The following CEBPA variants were observed in gnomAD, a reference collection of about 807,000 sequenced individuals.
The protein encoded by CEBPA is CCAAT enhancer binding protein alpha.
Under a neutral mutation model 5.1 loss-of-function variants are expected in CEBPA, and 2 were observed. That is an observed-to-expected ratio of 0.39 (90% CI 0.16 to 1.23). CEBPA has a LOEUF of 1.23. CEBPA is among the 50% of genes most tolerant of loss of function. The pLI, the probability that CEBPA is intolerant of heterozygous loss-of-function variation, is 0.34. For missense variants in CEBPA, 455 were observed against 537.4 expected (o/e 0.85, Z 1.52); for synonymous variants, 275 against 264.1 (o/e 1.04, Z -0.40).
Position 33,301,682 on chromosome 19 carries a change from C to T in CEBPA, c.733G>A (p.Gly245Ser), listed in dbSNP as rs1315043080. The T allele has an allele frequency of 6.7e-6, 8 of 1,198,806 alleles. No individual in the cohort carries two copies. In the Admixed American group the frequency reaches 1.4e-4, roughly 21 times the overall value. 74.3% of individuals were successfully genotyped at this position (1,198,806 alleles called of 1,614,324 possible). Residue 245 changes from glycine to serine, a missense_variant, in exon 1 of 1, where the codon GGC (glycine) becomes AGC (serine). Gly to Ser is a moderately conservative substitution (Grantham distance 56, BLOSUM62 0). Around this residue, in one of 5 missense-constraint regions of CEBPA, gnomAD observed 118 missense variants for 189.3 expected, o/e 0.62. Coordinates refer to ENST00000498907, the MANE Select transcript of CEBPA (RefSeq NM_004364.5). This position sits in a 1 kb window ranked among gnomAD's most constrained non-coding sequence, Gnocchi z 6.0. ...AGCGCGCTGCCAGGGCCCGGCAGGC[C>T]GGCGGCACCGAGCGCGGGCGCGGGG... is the stretch of plus-strand genomic sequence containing the variant. ...PHPAPALGAA[G>S]LPGPGSALKG...
Position 33,301,989 on chromosome 19 carries a change from C to T in CEBPA, c.426G>A (p.Arg142=). ...GCAAAGYLDG[R]LEPLYERVGA... ...CGACGCGCTCGTACAGGGGCTCCAG[C>T]CTGCCGTCCAGGTAGCCGGCGGCCG... The change falls in exon 1 of 1, where the codon AGG becomes AGA. Residue 142 remains arginine (R), a synonymous_variant. Coordinates refer to ENST00000498907, the MANE Select transcript of CEBPA (RefSeq NM_004364.5). This position sits in a 1 kb window ranked among gnomAD's most constrained non-coding sequence, Gnocchi z 6.0. The T allele has an allele frequency of 8.3e-7, 1 of 1,198,404 alleles. No individual in the cohort carries two copies. The highest frequency in any genetic ancestry group is 4.5e-5 in the Admixed American group (1 of 22,158). 74.2% of individuals were successfully genotyped at this position (1,198,404 alleles called of 1,614,324 possible). A position where few individuals can be genotyped will look rare whatever the true frequency, so the allele number is the denominator to read the frequency against.
In CEBPA at chr19:33,302,277, A is replaced by G. The variant is rs1387400759; in HGVS notation, c.138T>C (p.Pro46=). The G allele has an allele frequency of 9.4e-6, 14 of 1,482,040 alleles. No homozygotes were observed. In the Admixed American group the frequency reaches 3.2e-4, roughly 34 times the overall value. 91.8% of individuals were successfully genotyped at this position (1,482,040 alleles called of 1,614,324 possible). The change falls in exon 1 of 1, where the codon CCT becomes CCC. Residue 46 remains proline, a synonymous_variant. Transcript: ENST00000498907. ...TGCCGCCCAGCGGCTCCGGGGCGGCAGGTGGGGCGGGAGGCTGCGCGGGGC... is the reference window on the plus strand; with the variant it reads ...TGCCGCCCAGCGGCTCCGGGGCGGCGGGTGGGGCGGGAGGCTGCGCGGGGC... ...GAGPAQPPAP[P]AAPEPLGGIC...
rs998501847 is a variant in CEBPA, at chr19:33,301,868, G to T, written c.547C>A (p.Pro183Thr). The T allele has an allele frequency of 2.3e-6, 3 of 1,324,288 alleles. No individual in the cohort carries two copies. The highest frequency in any genetic ancestry group is 2.9e-6 in the Non-Finnish European group (3 of 1,032,394). 82.0% of individuals were successfully genotyped at this position (1,324,288 alleles called of 1,614,324 possible). A position where few individuals can be genotyped will look rare whatever the true frequency, so the allele number is the denominator to read the frequency against. Residue 183 changes from proline (P) to threonine (T), a missense_variant, in exon 1 of 1, where the codon CCG becomes ACG. By Grantham distance (38) the Pro-to-Thr change is conservative. Around this residue, in one of 5 missense-constraint regions of CEBPA, gnomAD observed 141 missense variants for 124.1 expected, o/e 1.14. Transcript: ENST00000498907. This position sits in a 1 kb window ranked among gnomAD's most constrained non-coding sequence, Gnocchi z 6.0. ...TGCGAGGGCGGCGGCGGCGGCGGCG[G>T]CTGGTAAGGGAAGAGGCCGGCCAGC... ...LALAGLFPYQ[P>T]PPPPPPSHPH...
chr19:33,302,351 G>A lies in CEBPA; in HGVS notation c.64C>T (p.Pro22Ser), dbSNP rs770636941. The A allele has an allele frequency of 8.2e-6, 11 of 1,341,012 alleles. 1 individual carries two copies. The South Asian group carries it at 1.9e-4, about 23-fold the overall frequency. The allele number at this position is 1,341,012 out of a possible 1,614,324, so 83.1% of individuals were successfully genotyped here. A position where few individuals can be genotyped will look rare whatever the true frequency, so the allele number is the denominator to read the frequency against. ...RPPMSSHLQSPPHAPSSAAFG... is the reference protein window; with the variant it reads ...RPPMSSHLQSSPHAPSSAAFG... ...GCGGCGCTGCTGGGCGCGTGCGGGG[G>A]GCTCTGCAGGTGGCTGCTCATCGGG... is the stretch of plus-strand genomic sequence containing the variant. Residue 22 changes from proline (P) to serine (S), a missense_variant, in exon 1 of 1, where the codon CCC becomes TCC. Around this residue, in one of 5 missense-constraint regions of CEBPA, gnomAD observed 143 missense variants for 153.9 expected, o/e 0.93. Transcript: ENST00000498907.
At position 33,300,326 on chromosome 19, in the gene CEBPA, G is replaced by A. The variant is rs1046626496; in HGVS notation, c.*1012C>T. 6 of 233,692 alleles carry A rather than the reference G, an allele frequency of 2.6e-5. No individual in the cohort carries two copies. Among genetic ancestry groups the A allele is most frequent in the African/African-American group, 1.1e-4 (5 of 45,362 alleles). The allele number at this position is 233,692 out of a possible 1,614,324, so 14.5% of individuals were successfully genotyped here. A position where few individuals can be genotyped will look rare whatever the true frequency, so the allele number is the denominator to read the frequency against. On this transcript the variant is annotated 3_prime_UTR_variant, in exon 1 of 1. Coordinates refer to ENST00000498907, the MANE Select transcript of CEBPA (RefSeq NM_004364.5). ...AACCAAATAAAATGGTGGTTTAGCA[G>A]AGACGCGCACATTCACATTGCACAA...
Position 33,301,613 on chromosome 19 carries a change from C to T in CEBPA, c.802G>A (p.Gly268Ser), listed in dbSNP as rs1568419433. 1.3e-6 allele frequency: 2 copies of T among 1,593,778 alleles called. No individual in the cohort carries two copies. Among genetic ancestry groups the T allele is most frequent in the East Asian group, 2.3e-5 (1 of 43,632 alleles). The change falls in exon 1 of 1, where the codon GGC becomes AGC. Residue 268 changes from glycine (G) to serine (S), a missense_variant. Gly to Ser is a moderately conservative substitution (Grantham distance 56). This residue lies in a region of CEBPA where 118 missense variants were observed against 189.3 expected (regional missense o/e 0.62). Transcript: ENST00000498907. This position sits in a 1 kb window ranked among gnomAD's most constrained non-coding sequence, Gnocchi z 6.0. Reference protein sequence around the residue: ...AAHPDLRASGGSGAGKAKKSV... With the variant: ...AAHPDLRASGSSGAGKAKKSV... ...TTCTTGGCCTTGCCCGCGCCGCTGC[C>T]GCCACTCGCGCGGAGGTCGGGGTGC...
At position 33,302,200 on chromosome 19, in the gene CEBPA, G is replaced by A; in HGVS notation, c.215C>T (p.Ala72Val). 1 of 1,496,030 alleles carries A rather than the reference G, an allele frequency of 6.7e-7. No individual in the cohort carries two copies. The highest frequency in any genetic ancestry group is 8.9e-7 in the Non-Finnish European group (1 of 1,119,878). The allele number at this position is 1,496,030 out of a possible 1,614,324, so 92.7% of individuals were successfully genotyped here. Residue 72 changes from alanine to valine, a missense_variant, in exon 1 of 1, where the codon GCC becomes GTC. Around this residue, in one of 5 missense-constraint regions of CEBPA, gnomAD observed 143 missense variants for 153.9 expected, o/e 0.93. Coordinates refer to ENST00000498907, the MANE Select transcript of CEBPA (RefSeq NM_004364.5). The part of the protein sequence containing the change: ...IDISAYIDPA[A>V]FNDEFLADLF... ...GTCGGCCAGGAACTCGTCGTTGAAG[G>A]CGGCCGGGTCGATGTAGGCGCTGAT...
rs1967164416 is a variant in CEBPA at position 33,301,530 on chromosome 19, C to T, written c.885G>A (p.Ala295=). ...TGGCCTTGTCGCGGCTCTTGCGCAC[C>T]GCGATGTTGTTGCGCTCGCGCCGCA... is the stretch of plus-strand genomic sequence containing the variant. The part of the protein sequence containing the change: ...YRVRRERNNI[A]VRKSRDKAKQ... Residue 295 remains alanine, a synonymous_variant, in exon 1 of 1, where the codon GCG becomes GCA. Coordinates refer to ENST00000498907, the MANE Select transcript of CEBPA (RefSeq NM_004364.5). The surrounding 1 kb of genome is among the most constrained non-coding windows in gnomAD (Gnocchi z 6.0). 2 of 1,613,482 alleles carry T rather than the reference C, an allele frequency of 1.2e-6. No individual in the cohort carries two copies. The highest frequency in any genetic ancestry group is 1.6e-4 in the Middle Eastern group (1 of 6,062).
Position 33,301,692 on chromosome 19 carries a change from G to C in CEBPA, c.723C>G (p.Leu241=), listed in dbSNP as rs1408787997. The C allele has an allele frequency of 8.6e-7, 1 of 1,167,726 alleles. No homozygotes were observed. 72.3% of individuals were successfully genotyped at this position (1,167,726 alleles called of 1,614,324 possible). ...CAGGGCCCGGCAGGCCGGCGGCACC[G>C]AGCGCGGGCGCGGGGTGCGGGCTGG... ...PVPSPHPAPA[L]GAAGLPGPGS... is the part of the protein sequence containing the mutation. The change falls in exon 1 of 1, where the codon CTC becomes CTG. Residue 241 remains leucine, a synonymous_variant. Coordinates refer to ENST00000498907, the MANE Select transcript of CEBPA (RefSeq NM_004364.5). The surrounding 1 kb of genome is among the most constrained non-coding windows in gnomAD (Gnocchi z 6.0).
chr19:33,302,023 T>C lies in CEBPA; in HGVS notation c.392A>G (p.Tyr131Cys). Residue 131 changes from tyrosine (Y) to cysteine (C), a missense_variant, in exon 1 of 1, where the codon TAC becomes TGC. Around this residue, in one of 5 missense-constraint regions of CEBPA, gnomAD observed 141 missense variants for 124.1 expected, o/e 1.14. Coordinates refer to ENST00000498907, the MANE Select transcript of CEBPA (RefSeq NM_004364.5). ...CAGGTAGCCGGCGGCCGCGCAGCCG[T>C]AGCCGGGCGGGGGCCCGTGCGCTCC... ...PGGAHGPPPG[Y>C]GCAAAGYLDG... is the part of the protein sequence containing the mutation. 1 of 1,178,378 alleles carries C rather than the reference T, an allele frequency of 8.5e-7. No individual in the cohort carries two copies. The allele number at this position is 1,178,378 out of a possible 1,614,324, so 73.0% of individuals were successfully genotyped here. A position where few individuals can be genotyped will look rare whatever the true frequency, so the allele number is the denominator to read the frequency against.
rs1385151629 is a variant in CEBPA, at chr19:33,301,229, C to T, written c.*109G>A. Reference sequence around the variant, plus strand: ...AGGCTTTCAGGAGGCACCGGAATCTCCTAGTCCTGGCTCGCACGGCTCGGG... The same window carrying T: ...AGGCTTTCAGGAGGCACCGGAATCTTCTAGTCCTGGCTCGCACGGCTCGGG... On this transcript the variant is annotated 3_prime_UTR_variant, in exon 1 of 1. Coordinates refer to ENST00000498907, the MANE Select transcript of CEBPA (RefSeq NM_004364.5). The surrounding 1 kb of genome is among the most constrained non-coding windows in gnomAD (Gnocchi z 6.0). 8 of 1,461,010 alleles carry T rather than the reference C, an allele frequency of 5.5e-6. No individual in the cohort carries two copies. Among genetic ancestry groups the T allele is most frequent in the Non-Finnish European group, 6.3e-6 (7 of 1,108,978 alleles). 90.5% of individuals were successfully genotyped at this position (1,461,010 alleles called of 1,614,324 possible).
Position 33,301,726 on chromosome 19 carries a change from G to A in CEBPA, c.689C>T (p.Thr230Met), listed in dbSNP as rs1967173268. The part of the protein sequence containing the change: ...LQPGHPTPPP[T>M]PVPSPHPAPA... ...CGCGGGGTGCGGGCTGGGCACGGGC[G>A]TGGGCGGCGGCGTGGGGTGACCGGG... Residue 230 changes from threonine (T) to methionine (M), a missense_variant, in exon 1 of 1, where the codon ACG (threonine) becomes ATG (methionine). Physicochemically the swap from Thr to Met is moderately conservative, Grantham distance 81. Transcript: ENST00000498907. This position sits in a 1 kb window ranked among gnomAD's most constrained non-coding sequence, Gnocchi z 6.0. The A allele has an allele frequency of 8.7e-7, 1 of 1,151,690 alleles. No homozygotes were observed. The highest frequency in any genetic ancestry group is 1.1e-6 in the Non-Finnish European group (1 of 938,574). 71.3% of individuals were successfully genotyped at this position (1,151,690 alleles called of 1,614,324 possible).
chr19:33,299,980 AGAGT>A lies in CEBPA; in HGVS notation c.*1354_*1357del, dbSNP rs1967113723. 4.3e-6 allele frequency: 1 copy of A among 233,328 alleles called. No individual in the cohort carries two copies. Among genetic ancestry groups the A allele is most frequent in the Non-Finnish European group, 8.5e-6 (1 of 117,992 alleles). 14.5% of individuals were successfully genotyped at this position (233,328 alleles called of 1,614,324 possible). On this transcript the variant is annotated 3_prime_UTR_variant, in exon 1 of 1. Coordinates refer to ENST00000498907, the MANE Select transcript of CEBPA (RefSeq NM_004364.5). Reference sequence around the variant, plus strand: ...TATAGATATAATACATAAAACATCTAGAGTGAGACTCTACGTTCTCCCCAAAAGA... The same window carrying A: ...TATAGATATAATACATAAAACATCTAGAGACTCTACGTTCTCCCCAAAAGA...
chr19:33,302,512 C>G lies in CEBPA; in HGVS notation c.-98G>C. 3 of 723,172 alleles carry G rather than the reference C, an allele frequency of 4.1e-6. No homozygotes were observed. The highest frequency in any genetic ancestry group is 5.7e-6 in the Non-Finnish European group (3 of 527,512). 44.8% of individuals were successfully genotyped at this position (723,172 alleles called of 1,614,324 possible). Reference sequence around the variant, plus strand: ...ACCCGGAGACCCTGCTCGCCCGCGCCCGCGCACCTCCGGGTCGCGAATGGC... The same window carrying G: ...ACCCGGAGACCCTGCTCGCCCGCGCGCGCGCACCTCCGGGTCGCGAATGGC... On this transcript the variant is annotated 5_prime_UTR_variant, in exon 1 of 1. Transcript: ENST00000498907.
Position 33,301,646 on chromosome 19 carries a change from C to G in CEBPA, c.769G>C (p.Gly257Arg). ...GCGCGGAGGTCGGGGTGCGCGGCGCCCAGCCCCTTGAGCGCGCTGCCAGGG... is the reference window on the plus strand; with the variant it reads ...GCGCGGAGGTCGGGGTGCGCGGCGCGCAGCCCCTTGAGCGCGCTGCCAGGG... ...PGPGSALKGL[G>R]AAHPDLRASG... Residue 257 changes from glycine to arginine, a missense_variant, in exon 1 of 1, where the codon GGC becomes CGC. By Grantham distance (125) the Gly-to-Arg change is moderately radical. Transcript: ENST00000498907. This position sits in a 1 kb window ranked among gnomAD's most constrained non-coding sequence, Gnocchi z 6.0. 1 of 1,540,108 alleles carries G rather than the reference C, an allele frequency of 6.5e-7. No homozygotes were observed. Among genetic ancestry groups the G allele is most frequent in the African/African-American group, 1.4e-5 (1 of 72,486 alleles).
chr19:33,300,901 T>C lies in CEBPA; in HGVS notation c.*437A>G, dbSNP rs1049969. On this transcript the variant is annotated 3_prime_UTR_variant, in exon 1 of 1. Transcript: ENST00000498907. ...GTCGGGATCTCAGCTCCCTGAGCCCTCCTCCTGCCACGGGCCTGCTCCCCT... is the reference window on the plus strand; with the variant it reads ...GTCGGGATCTCAGCTCCCTGAGCCCCCCTCCTGCCACGGGCCTGCTCCCCT... The C allele has an allele frequency of 0.15, 38,963 of 262,588 alleles. 3,771 individuals are homozygous for C. The highest frequency in any genetic ancestry group is 0.29 in the African/African-American group (13,199 of 46,178). The allele number at this position is 262,588 out of a possible 1,614,324, so 16.3% of individuals were successfully genotyped here.
chr19:33,301,400 G>A lies in CEBPA; in HGVS notation c.1015C>T (p.Arg339Trp), dbSNP rs1455027551. Reference protein sequence around the residue: ...EQLSRELDTLRGIFRQLPESS... With the variant: ...EQLSRELDTLWGIFRQLPESS... ...TCTGGCAGCTGGCGGAAGATGCCCC[G>A]CAGCGTGTCCAGTTCGCGGCTCAGC... The change falls in exon 1 of 1, where the codon CGG becomes TGG. Residue 339 changes from arginine to tryptophan, a missense_variant. Physicochemically the swap from Arg to Trp is moderately radical, Grantham distance 101. This residue lies in a region of CEBPA where 38 missense variants were observed against 30.3 expected (regional missense o/e 1.25). Coordinates refer to ENST00000498907, the MANE Select transcript of CEBPA (RefSeq NM_004364.5). The surrounding 1 kb of genome is among the most constrained non-coding windows in gnomAD (Gnocchi z 6.0). 2 of 1,610,348 alleles carry A rather than the reference G, an allele frequency of 1.2e-6. No homozygotes were observed. Among genetic ancestry groups the A allele is most frequent in the East Asian group, 2.2e-5 (1 of 44,844 alleles).
Position 33,301,883 on chromosome 19 carries a change from G to C in CEBPA, c.532C>G (p.Leu178Val), listed in dbSNP as rs1325138029. The C allele has an allele frequency of 2.3e-6, 3 of 1,330,646 alleles. No homozygotes were observed. The highest frequency in any genetic ancestry group is 2.9e-6 in the Non-Finnish European group (3 of 1,034,308). The allele number at this position is 1,330,646 out of a possible 1,614,324, so 82.4% of individuals were successfully genotyped here. Reference protein sequence around the residue: ...DEAKQLALAGLFPYQPPPPPP... With the variant: ...DEAKQLALAGVFPYQPPPPPP... ...GGCGGCGGCGGCTGGTAAGGGAAGAGGCCGGCCAGCGCCAGCTGCTTGGCT... is the reference window on the plus strand; with the variant it reads ...GGCGGCGGCGGCTGGTAAGGGAAGACGCCGGCCAGCGCCAGCTGCTTGGCT... Residue 178 changes from leucine to valine, a missense_variant, in exon 1 of 1, where the codon CTC (leucine) becomes GTC (valine). Leu to Val is a conservative substitution (Grantham distance 32). Coordinates refer to ENST00000498907, the MANE Select transcript of CEBPA (RefSeq NM_004364.5). The surrounding 1 kb of genome is among the most constrained non-coding windows in gnomAD (Gnocchi z 6.0).
In CEBPA at chr19:33,302,361, G is replaced by C. The variant is rs1600024552; in HGVS notation, c.54C>G (p.His18Gln). The stretch of plus-strand genomic sequence containing the variant: ...TGGGCGCGTGCGGGGGGCTCTGCAG[G>C]TGGCTGCTCATCGGGGGCCGCGGCT... ...EAEPRPPMSS[H>Q]LQSPPHAPSS... Residue 18 changes from histidine (H) to glutamine (Q), a missense_variant, in exon 1 of 1, where the codon CAC becomes CAG. By Grantham distance (24) the His-to-Gln change is conservative (BLOSUM62 0). Coordinates refer to ENST00000498907, the MANE Select transcript of CEBPA (RefSeq NM_004364.5). 7.6e-6 allele frequency: 10 copies of C among 1,318,390 alleles called. No homozygotes were observed. The highest frequency in any genetic ancestry group is 9.7e-6 in the Non-Finnish European group (10 of 1,033,340). 81.7% of individuals were successfully genotyped at this position (1,318,390 alleles called of 1,614,324 possible).
Sources: gnomAD v4.1 joint callset for allele counts on GRCh38, gnomAD v4.1.1 for gene constraint, gnomAD v4.1.1 regional missense constraint, Gnocchi (gnomAD v3.1) non-coding constraint, MANE v1.5 for transcripts, NCBI Gene and HGNC (gene_info 2026-07-23, HGNC 2026-07-21) for gene names.